RNF214: variants seen among roughly 807,000 people sequenced by gnomAD.
The protein encoded by RNF214 is ring finger protein 214.
In RNF214, 25 loss-of-function variants were observed where a neutral mutation model predicts 75.9. That is an observed-to-expected ratio of 0.33 (90% CI 0.24 to 0.46). RNF214 has a LOEUF of 0.46. RNF214 is among the 20% of genes least tolerant of loss of function. RNF214 has a pLI of 1.00. For missense variants in RNF214, 725 were observed against 857.5 expected (o/e 0.85, Z 1.93); for synonymous variants, 314 against 308.8 (o/e 1.02, Z -0.18).
intron 6 of RNF214, among the ~76,000 whole-genome samples, chr11:117,266,522 G>A (rs1408390989): frequency 6.6e-6 from 1 of 151,994 alleles, no homozygotes; most frequent in Non-Finnish European, 1.5e-5. Context: ...ACCATGTCTG[G>A]CTAATTTTTG....
At position 117,238,615 on chromosome 11, in the gene RNF214, C is replaced by T. The variant is rs370273925; in HGVS notation, c.122C>T (p.Ala41Val). 93 of 1,612,740 alleles carry T rather than the reference C, an allele frequency of 5.8e-5. No homozygotes were observed. Among genetic ancestry groups the T allele is most frequent in the Non-Finnish European group, 7.5e-5 (89 of 1,179,248 alleles). The change falls in exon 3 of 15, where the codon GCA (alanine) becomes GTA (valine). Residue 41 changes from alanine to valine, a missense_variant. By Grantham distance (64) the Ala-to-Val change is moderately conservative. Transcript: ENST00000300650. ...LPDGLSTKDSAQKQKNSPLLS... is the reference protein window; with the variant it reads ...LPDGLSTKDSVQKQKNSPLLS... ...GTGTTTGATAGCACCAAAGACTCTG[C>T]ACAGAAGCAGAAGAACTCGCCTCTG...
intron 6 of RNF214, among the ~76,000 whole-genome samples, chr11:117,249,954 C>G (rs1283856285): frequency 6.6e-6 from 1 of 152,102 alleles, no homozygotes. Context: ...ATTGTATTTC[C>G]TGTTTATAGT....
intron 6 of RNF214, among the ~76,000 whole-genome samples, chr11:117,258,525 G>C (rs1239054046): frequency 6.6e-6 from 1 of 151,798 alleles, no homozygotes. Flanking sequence ...TAATTAATTA[G>C]AGTTTAATAT....
rs745354685 is a variant in RNF214 at position 117,282,290 on chromosome 11, G to A, written c.1712+20G>A. 1.2e-5 allele frequency: 19 copies of A among 1,579,728 alleles called. No homozygotes were observed. Among genetic ancestry groups the A allele is most frequent in the Admixed American group, 1.8e-5 (1 of 56,600 alleles). The stretch of plus-strand genomic sequence containing the variant: ...CAATAAGTAAGTACCTTCAAGGACT[G>A]ATTCAGATGTCTCTATCAGAGAAAT... On this transcript the variant is annotated intron_variant, in intron 11 of 14. Coordinates refer to ENST00000300650, the MANE Select transcript of RNF214 (RefSeq NM_207343.4).
Position 117,239,110 on chromosome 11 carries a change from A to AG in RNF214, c.618+1dup. 6.3e-7 allele frequency: 1 copy of AG among 1,591,394 alleles called. No homozygotes were observed. The highest frequency in any genetic ancestry group is 8.6e-7 in the Non-Finnish European group (1 of 1,166,752). ...AAGCTTTCTCAGAACATTGCTGTAC[A>AG]GGTCAAGTGTCAAGTTTCTACTACT... is the stretch of plus-strand genomic sequence containing the variant. On this transcript the variant is annotated frameshift_variant and splice_region_variant, in exon 3 of 15. Transcript: ENST00000300650. LOFTEE classifies it high-confidence loss of function.
At chr11:117,278,949 C>G (rs1257057646) in intron 6 of RNF214, among the ~76,000 whole-genome samples, 1 of 152,082 alleles carries the variant, frequency 6.6e-6, no homozygotes, top group Non-Finnish European at 1.5e-5. Context: ...AAGTAAGCAT[C>G]AGCCAGGCGT....
intron 5 of RNF214, among the ~76,000 whole-genome samples, chr11:117,245,735 TAC>T (rs1184713663): frequency 2.0e-5 from 3 of 152,174 alleles, no homozygotes; most frequent in Non-Finnish European, 4.4e-5. Flanking sequence ...TTATTGACAA[TAC>T]ATTCATGTCA....
intron 2 of RNF214, 146 bp from the exon 3 acceptor site, chr11:117,238,455 A>T: frequency 1.3e-6 from 1 of 747,248 alleles, no homozygotes; most frequent in Non-Finnish European, 2.2e-6. Flanking sequence ...AGGCTATACT[A>T]CCTGCATACA....
intron 6 of RNF214, among the ~76,000 whole-genome samples, chr11:117,267,740 A>G (rs552610): frequency 0.71 from 106,888 of 151,218 alleles, 39,328 homozygotes; most frequent in East Asian, 0.95. Flanking sequence ...AAAAAAAAAA[A>G]GGCTTATTTT....
chr11:117,260,024 C>T (rs762615682), intron 6 of RNF214, among the ~76,000 whole-genome samples: 7 of 151,928 alleles, frequency 4.6e-5, no homozygotes, highest in Non-Finnish European at 7.4e-5. Flanking sequence ...GTTATGGACG[C>T]TTTATCATTT....
At chr11:117,272,577 A>C (rs909545553) in intron 6 of RNF214, among the ~76,000 whole-genome samples, 1 of 152,042 alleles carries the variant, frequency 6.6e-6, no homozygotes, top group Non-Finnish European at 1.5e-5. Flanking sequence ...CATATTCTGC[A>C]CTAGTATTCC....
At chr11:117,273,891 C>A (rs1011499279) in intron 6 of RNF214, among the ~76,000 whole-genome samples, 1 of 152,044 alleles carries the variant, frequency 6.6e-6, no homozygotes. Context: ...AGGCTGATGT[C>A]AATAATTTCA....
rs556377407 is a variant in RNF214 at position 117,271,014 on chromosome 11, C to A, written c.960-8894C>A. Among the ~76,000 whole-genome samples the A allele has an allele frequency of 3.3e-5, 5 of 152,250 alleles. No homozygotes were observed. In the South Asian group the frequency reaches 1.0e-3, roughly 32 times the overall value. On this transcript the variant is annotated intron_variant, in intron 6 of 14. Transcript: ENST00000300650. ...TTTTGGGCTCAAGTGATTCTCCTGT[C>A]TCAGCCACCCAAGTAGATGGGATTA...
At chr11:117,277,140 C>G (rs958910692) in intron 6 of RNF214, among the ~76,000 whole-genome samples, 4 of 152,016 alleles carry the variant, frequency 2.6e-5, no homozygotes, top group Non-Finnish European at 5.9e-5. Flanking sequence ...GTCAGGAGTT[C>G]AAGACCACCC....
intron 6 of RNF214, among the ~76,000 whole-genome samples, chr11:117,272,966 T>A (rs2033942562): frequency 6.6e-6 from 1 of 152,158 alleles, no homozygotes; most frequent in African/African-American, 2.4e-5. Flanking sequence ...TGAGAAAAAA[T>A]TTAATATTTA....
intron 6 of RNF214, among the ~76,000 whole-genome samples, chr11:117,257,803 A>G (rs906665743): frequency 6.6e-6 from 1 of 152,234 alleles, no homozygotes; most frequent in South Asian, 2.1e-4. Flanking sequence ...CTGCAGGGAA[A>G]TAAATGAGAA....
intron 6 of RNF214, among the ~76,000 whole-genome samples, chr11:117,250,952 A>AT (rs1304257261): frequency 6.9e-6 from 1 of 145,580 alleles, no homozygotes; most frequent in Non-Finnish European, 1.5e-5. Flanking sequence ...GATCAACAGG[A>AT]TCCCAAGGCA....
intron 6 of RNF214, 62 bp downstream of exon 6, chr11:117,247,010 G>A (rs561391798): frequency 2.6e-5 from 33 of 1,266,160 alleles, no homozygotes; most frequent in African/African-American, 8.9e-5. Flanking sequence ...GGCCAGACCC[G>A]TTTGTATTTG....
At chr11:117,240,393 A>G (rs903878328) in intron 4 of RNF214, among the ~76,000 whole-genome samples, 1 of 150,844 alleles carries the variant, frequency 6.6e-6, no homozygotes, top group Non-Finnish European at 1.5e-5. Flanking sequence ...TTAAAAAAAA[A>G]AAAAAAAAAA....
Sources: allele counts gnomAD v4.1 joint callset (sites outside exome capture counted in the v4.1 genomes callset), GRCh38; gene constraint gnomAD v4.1.1; transcripts MANE v1.5; gene names NCBI Gene and HGNC (gene_info 2026-07-23, HGNC 2026-07-21).